The following FRMD6 variants were observed in gnomAD, a reference collection of about 807,000 sequenced individuals.
The protein encoded by FRMD6 is FERM domain containing 6.
A neutral mutation model predicts 73.2 loss-of-function variants in FRMD6; 37 were observed. The observed-to-expected ratio is 0.51, with a 90% CI of 0.39 to 0.66. The LOEUF (loss-of-function observed/expected upper bound fraction) is 0.66, where lower values mean the gene tolerates loss of function less well. Among genes scored for constraint, FRMD6 ranks in the 30% least tolerant of loss-of-function variants. The probability of loss-of-function intolerance (pLI) is 0.00; values close to 1 mark genes in which losing one functional copy is unlikely to be tolerated. For missense variants in FRMD6, 714 were observed against 780.5 expected (o/e 0.91, Z 1.02); for synonymous variants, 273 against 282.2 (o/e 0.97, Z 0.33).
intron 1 of FRMD6, among the ~76,000 whole-genome samples, chr14:51,530,973 T>C (rs1885548078): frequency 6.6e-6 from 1 of 152,302 alleles, no homozygotes; most frequent in South Asian, 2.1e-4. Flanking sequence ...GTAAGTCCAA[T>C]GCGCCAGCAT....
At chr14:51,495,997 T>C (rs1264551228) in intron 1 of FRMD6, among the ~76,000 whole-genome samples, 2 of 152,228 alleles carry the variant, frequency 1.3e-5, no homozygotes, top group African/African-American at 4.8e-5. Flanking sequence ...TAAGCATTGG[T>C]CTGTGTGGCT....
chr14:51,421,053 G>A, the FRMD6 span, among the ~76,000 whole-genome samples: 1 of 152,170 alleles, frequency 6.6e-6, no homozygotes, highest in South Asian at 2.1e-4. Flanking sequence ...TGGGATTACA[G>A]ACGTGAGCCA....
chr14:51,479,846 G>A, the FRMD6 span, among the ~76,000 whole-genome samples: 1 of 152,196 alleles, frequency 6.6e-6, no homozygotes, highest in Non-Finnish European at 1.5e-5. Context: ...AGCAGTTGCA[G>A]AGGCATGTGG....
chr14:51,415,144 TCTTTCTCTTGCCTGA>T, the FRMD6 span, among the ~76,000 whole-genome samples: 1 of 152,202 alleles, frequency 6.6e-6, no homozygotes, highest in Non-Finnish European at 1.5e-5. Flanking sequence ...ACCCTTTATT[TCTTTCTCTTGCCTGA>T]CTGCCCTGGC....
the FRMD6 span, among the ~76,000 whole-genome samples, chr14:51,422,542 A>T: frequency 6.6e-6 from 1 of 152,258 alleles, no homozygotes; most frequent in Non-Finnish European, 1.5e-5. Flanking sequence ...GTAAAAGAGG[A>T]CAAGAGGGAG....
In FRMD6 at chr14:51,654,505, A is replaced by C. The variant is rs73292764; in HGVS notation, c.-147+2509A>C. On this transcript the variant is annotated intron_variant, in intron 1 of 13. Coordinates refer to ENST00000344768, the MANE Select transcript of FRMD6 (RefSeq NM_001267046.2). ...GAGTGTAAATGAGTCCTGTCTCACA[A>C]CTAACTTTTTTGATAAAGGAATTCT... 8.3e-3 allele frequency among the ~76,000 whole-genome samples: 1,261 copies of C among 152,060 alleles called. 17 individuals are homozygous for C. The highest frequency in any genetic ancestry group is 0.029 in the African/African-American group (1,188 of 41,504).
At chr14:51,580,853 C>T (rs1888681638) in intron 2 of FRMD6, among the ~76,000 whole-genome samples, 1 of 152,182 alleles carries the variant, frequency 6.6e-6, no homozygotes, top group African/African-American at 2.4e-5. Flanking sequence ...CACTGTCATG[C>T]ACTGTACTGG....
chr14:51,656,453 G>A (rs902911720), intron 1 of FRMD6, among the ~76,000 whole-genome samples: 5 of 149,622 alleles, frequency 3.3e-5, no homozygotes, highest in Admixed American at 2.7e-4. Flanking sequence ...TCGCCCTGTC[G>A]CCCAGGCTGG....
At chr14:51,547,899 A>C (rs1487454225) in intron 1 of FRMD6, 3 of 152,060 alleles carry the variant, frequency 2.0e-5, no homozygotes, top group African/African-American at 4.8e-5. Flanking sequence ...AAAAAAAAAA[A>C]AAACTATCTT....
chr14:51,442,233 G>T, the FRMD6 span, among the ~76,000 whole-genome samples: 1 of 152,134 alleles, frequency 6.6e-6, no homozygotes, highest in Non-Finnish European at 1.5e-5. Flanking sequence ...TTCAATCTAG[G>T]TTAGGGATCC....
chr14:51,686,384 T>G (rs542067963), intron 1 of FRMD6, among the ~76,000 whole-genome samples: 1 of 152,274 alleles, frequency 6.6e-6, no homozygotes, highest in South Asian at 2.1e-4. Flanking sequence ...TCCCACAATT[T>G]GTTAAAAATG....
At chr14:51,637,688 A>C (rs1891634164) in intron 2 of FRMD6, 2 of 152,172 alleles carry the variant, frequency 1.3e-5, no homozygotes, top group African/African-American at 4.8e-5. Context: ...ACAGAAAAAC[A>C]TTTTCCCCAG....
chr14:51,569,285 A>G (rs139766675), intron 1 of FRMD6, among the ~76,000 whole-genome samples: 141 of 152,334 alleles, frequency 9.3e-4, no homozygotes, highest in African/African-American at 3.2e-3. Flanking sequence ...AAATTGTCAA[A>G]TAAACAGACA....
chr14:51,670,482 T>C (rs904623206), intron 1 of FRMD6, among the ~76,000 whole-genome samples: 1 of 152,186 alleles, frequency 6.6e-6, no homozygotes, highest in Non-Finnish European at 1.5e-5. Context: ...TACAGTACTA[T>C]TAACTAGCCT....
At chr14:51,458,407 T>A in the FRMD6 span, among the ~76,000 whole-genome samples, 2 of 152,212 alleles carry the variant, frequency 1.3e-5, no homozygotes, top group African/African-American at 4.8e-5. Flanking sequence ...AGGTTATGTG[T>A]CTTATCTTCA....
At chr14:51,584,862 T>A (rs567948922) in intron 2 of FRMD6, among the ~76,000 whole-genome samples, 2 of 152,184 alleles carry the variant, frequency 1.3e-5, no homozygotes, top group Non-Finnish European at 2.9e-5. Context: ...TCTACAACGC[T>A]TCTGTGACTT....
In FRMD6 at chr14:51,726,258, T is replaced by A. The variant is rs182881590; in HGVS notation, c.1584+388T>A. Among the ~76,000 whole-genome samples the A allele has an allele frequency of 1.9e-4, 29 of 152,324 alleles. No individual in the cohort carries two copies. The East Asian group carries it at 5.6e-3, about 29-fold the overall frequency. ...CCACACTCTGGTTATTCCATTCAGATTGAATTTTCAAAGTATGCTGAGCCT... is the reference window on the plus strand; with the variant it reads ...CCACACTCTGGTTATTCCATTCAGAATGAATTTTCAAAGTATGCTGAGCCT... On this transcript the variant is annotated intron_variant, in intron 13 of 13. Coordinates refer to ENST00000344768, the MANE Select transcript of FRMD6 (RefSeq NM_001267046.2).
chr14:51,675,373 G>C (rs761063818), intron 1 of FRMD6, among the ~76,000 whole-genome samples: 1 of 152,074 alleles, frequency 6.6e-6, no homozygotes. Context: ...GACTCCACAG[G>C]GGAACTGTAG....
chr14:51,678,207 G>GT lies in FRMD6; in HGVS notation c.-146-11482dup, dbSNP rs527349856. Among the ~76,000 whole-genome samples the GT allele has an allele frequency of 2.6e-3, 394 of 152,242 alleles. 2 individuals are homozygous for GT. The highest frequency in any genetic ancestry group is 8.3e-3 in the African/African-American group (347 of 41,558). On this transcript the variant is annotated intron_variant, in intron 1 of 13. Transcript: ENST00000344768. ...AAGAGACTTTGTCAAAGGTCATACA[G>GT]TTAGTATTAATAAATAGCTGGCTAA...
Sources: gnomAD v4.1 joint callset for allele counts (sites outside exome capture counted in the v4.1 genomes callset) on GRCh38, gnomAD v4.1.1 for gene constraint, MANE v1.5 for transcripts, NCBI Gene and HGNC (gene_info 2026-07-23, HGNC 2026-07-21) for gene names.